Variants in DIP2B observed in about 807,000 individuals in gnomAD.
The protein encoded by DIP2B is disco-interacting protein 2 homolog B.
Under a neutral mutation model 198.0 loss-of-function variants are expected in DIP2B, and 76 were observed. The ratio of observed to expected loss-of-function variants is 0.38; its 90% CI spans 0.32 to 0.46. DIP2B has a LOEUF of 0.46. DIP2B is among the 20% of genes least tolerant of loss of function. DIP2B has a pLI of 0.99. For synonymous variants in DIP2B, 701 were observed against 739.1 expected, an observed-to-expected ratio of 0.95 and a Z score of 0.84; for missense variants, 1,559 against 1,978.4, an observed-to-expected ratio of 0.79 and a Z score of 4.02.
intron 1 of DIP2B, among the ~76,000 whole-genome samples, chr12:50,519,082 C>T (rs914948417): frequency 6.6e-6 from 1 of 151,954 alleles, no homozygotes; most frequent in Non-Finnish European, 1.5e-5. Flanking sequence ...GTAGGGCTCC[C>T]TGGAGGGAGA....
At chr12:50,591,420 G>A (rs1406563719) in intron 1 of DIP2B, among the ~76,000 whole-genome samples, 1 of 151,490 alleles carries the variant, frequency 6.6e-6, no homozygotes, top group Non-Finnish European at 1.5e-5. Context: ...TCTTGGGGGT[G>A]AGATCCAAAT....
intron 1 of DIP2B, among the ~76,000 whole-genome samples, chr12:50,579,174 A>C (rs886336417): frequency 2.6e-5 from 4 of 152,128 alleles, no homozygotes; most frequent in African/African-American, 7.2e-5. Context: ...TGAGAGATAA[A>C]CTATGGTTAT....
At chr12:50,740,379 A>T (rs1940220519) in intron 36 of DIP2B, among the ~76,000 whole-genome samples, 2 of 152,146 alleles carry the variant, frequency 1.3e-5, no homozygotes, top group South Asian at 4.1e-4. Flanking sequence ...TTGCTGGGTG[A>T]CCTTGAGCAA....
rs142953131 is a variant in DIP2B at position 50,515,422 on chromosome 12, G to A, written c.100+10182G>A. On this transcript the variant is annotated intron_variant, in intron 1 of 37. Transcript: ENST00000301180. ...AATTTTTGTATTTTAGTAGAGATGG[G>A]GTTTCACCATGTTGGTCAGGCTAGT... Among the ~76,000 whole-genome samples, 162 of 152,086 alleles carry A rather than the reference G, an allele frequency of 1.1e-3. 1 individual carries two copies. Among genetic ancestry groups the A allele is most frequent in the African/African-American group, 3.5e-3 (147 of 41,488 alleles).
intron 1 of DIP2B, among the ~76,000 whole-genome samples, chr12:50,613,481 G>C (rs756598047): frequency 6.6e-6 from 1 of 152,104 alleles, no homozygotes; most frequent in Non-Finnish European, 1.5e-5. Context: ...CCTCCCTACC[G>C]ATCCTTACCC....
intron 1 of DIP2B, among the ~76,000 whole-genome samples, chr12:50,594,745 A>G (rs1958863987): frequency 6.6e-6 from 1 of 152,156 alleles, no homozygotes; most frequent in Non-Finnish European, 1.5e-5. Context: ...AGTTTAACCC[A>G]CCTCTAATAT....
intron 1 of DIP2B, among the ~76,000 whole-genome samples, chr12:50,571,575 C>T (rs1168157084): frequency 1.5e-4 from 14 of 91,078 alleles, no homozygotes; most frequent in African/African-American, 5.0e-4. Context: ...TTTTTTGAGA[C>T]GGAGTCTCAC....
chr12:50,728,504 G>T, intron 29 of DIP2B, 44 bp from the exon 30 acceptor site: 1 of 1,591,050 alleles, frequency 6.3e-7, no homozygotes, highest in Non-Finnish European at 8.6e-7. Context: ...TACTCTGCCT[G>T]TGGGATAACA....
chr12:50,721,316 G>T lies in DIP2B; in HGVS notation c.3086G>T (p.Arg1029Leu). The change falls in exon 26 of 38, where the codon CGA (arginine) becomes CTA (leucine). Residue 1029 changes from arginine (R) to leucine (L), a missense_variant. Transcript: ENST00000301180. ...GCCAGCTGCCTTCAGCTTCATAAGCGAGCAGAGAGGATTGCATCTGTTCTT... is the reference window on the plus strand; with the variant it reads ...GCCAGCTGCCTTCAGCTTCATAAGCTAGCAGAGAGGATTGCATCTGTTCTT... ...CTASCLQLHK[R>L]AERIASVLGD... The T allele has an allele frequency of 1.2e-6, 2 of 1,614,130 alleles. No homozygotes were observed.
rs566289249 is a variant in DIP2B at position 50,597,992 on chromosome 12, C to T, written c.101-27984C>T. On this transcript the variant is annotated intron_variant, in intron 1 of 37. Transcript: ENST00000301180. ...ACGCTTGCTGAACTGAACGGGGTCA[C>T]ACTTAATTCCTTCAGGTTGGGTCCA... 3.3e-5 allele frequency among the ~76,000 whole-genome samples: 5 copies of T among 152,310 alleles called. No individual in the cohort carries two copies. The East Asian group carries it at 9.6e-4, about 29-fold the overall frequency.
chr12:50,636,757 G>C (rs1260787776), intron 2 of DIP2B, among the ~76,000 whole-genome samples: 1 of 152,222 alleles, frequency 6.6e-6, no homozygotes, highest in Non-Finnish European at 1.5e-5. Flanking sequence ...TCCCGGAGCA[G>C]AGCTCCTGGT....
At chr12:50,722,137 T>G (rs1449000326) in intron 26 of DIP2B, among the ~76,000 whole-genome samples, 1 of 152,158 alleles carries the variant, frequency 6.6e-6, no homozygotes. Context: ...GGTGAAATAT[T>G]GGAGTTTTCC....
intron 3 of DIP2B, among the ~76,000 whole-genome samples, chr12:50,652,738 T>C (rs1467890733): frequency 6.6e-6 from 1 of 152,188 alleles, no homozygotes; most frequent in Non-Finnish European, 1.5e-5. Context: ...CAATATAAAG[T>C]CTTCCAGTCC....
rs117476756 is a variant in DIP2B at position 50,661,711 on chromosome 12, A to G, written c.427+1392A>G. Among the ~76,000 whole-genome samples the G allele has an allele frequency of 1.1e-3, 163 of 152,288 alleles. 3 individuals carry two copies. The East Asian group carries it at 0.029, about 27-fold the overall frequency. ...GTCCTCATGGACAAAGGGGGCTCTCAGTTTAGTAGCTATTCCTTTTTGGCA... is the reference window on the plus strand; with the variant it reads ...GTCCTCATGGACAAAGGGGGCTCTCGGTTTAGTAGCTATTCCTTTTTGGCA... On this transcript the variant is annotated intron_variant, in intron 4 of 37. Transcript: ENST00000301180.
At chr12:50,607,556 G>A (rs1216912022) in intron 1 of DIP2B, among the ~76,000 whole-genome samples, 1 of 152,116 alleles carries the variant, frequency 6.6e-6, no homozygotes, top group African/African-American at 2.4e-5. Context: ...AAGAAGGCCA[G>A]TGCTCTATCA....
intron 22 of DIP2B, among the ~76,000 whole-genome samples, chr12:50,711,403 A>T (rs1939611806): frequency 6.6e-6 from 1 of 152,244 alleles, no homozygotes; most frequent in Non-Finnish European, 1.5e-5. Flanking sequence ...TACATGTAGC[A>T]CATTTGCTAA....
chr12:50,560,042 C>T (rs1294111829), intron 1 of DIP2B, among the ~76,000 whole-genome samples: 3 of 151,928 alleles, frequency 2.0e-5, no homozygotes, highest in African/African-American at 7.3e-5. Context: ...TTCGGGAGGC[C>T]GAGGTGGGTG....
chr12:50,742,606 C>T (rs2139610567), intron 37 of DIP2B, among the ~76,000 whole-genome samples: 1 of 152,026 alleles, frequency 6.6e-6, no homozygotes, highest in South Asian at 2.1e-4. Flanking sequence ...TCTAAAAATG[C>T]TCTTGTCGGC....
chr12:50,521,766 T>G (rs1958122296), intron 1 of DIP2B, among the ~76,000 whole-genome samples: 1 of 151,860 alleles, frequency 6.6e-6, no homozygotes, highest in Non-Finnish European at 1.5e-5. Flanking sequence ...GCCCTTGGCC[T>G]CCCAAAGTGT....
Sources: allele counts gnomAD v4.1 joint callset (sites outside exome capture counted in the v4.1 genomes callset), GRCh38; gene constraint gnomAD v4.1.1; transcripts MANE v1.5; gene names NCBI Gene and HGNC (gene_info 2026-07-23, HGNC 2026-07-21).